Variants in ZBED6 observed in about 807,000 individuals in gnomAD.
ZBED6 encodes zinc finger BED domain-containing protein 6.
Under a neutral mutation model 58.4 loss-of-function variants are expected in ZBED6, and 40 were observed. The ratio of observed to expected loss-of-function variants is 0.68; its 90% CI spans 0.53 to 0.89. ZBED6 has a LOEUF of 0.89. Among genes scored for constraint, ZBED6 ranks in the 40% least tolerant of loss-of-function variants. The pLI is 0.00. For synonymous variants in ZBED6, 439 were observed against 350.6 expected, an observed-to-expected ratio of 1.25 and a Z score of -2.82; for missense variants, 1,057 against 1,003.9, an observed-to-expected ratio of 1.05 and a Z score of -0.71.
intron 11 of ZBED6, among the ~76,000 whole-genome samples, chr1:203,840,921 A>G (rs2103246775): frequency 6.6e-6 from 1 of 152,298 alleles, no homozygotes; most frequent in African/African-American, 2.4e-5. Flanking sequence ...GGCACGAGCC[A>G]CCGCACCCGG....
intron 9 of ZBED6, 94 bp from the exon 10 acceptor site, chr1:203,837,872 A>G: frequency 8.5e-7 from 1 of 1,178,130 alleles, no homozygotes; most frequent in Non-Finnish European, 1.2e-6. Context: ...AGAACACTTA[A>G]CAGAATTATG....
chr1:203,833,985 C>G, intron 9 of ZBED6, 132 bp downstream of exon 9: 1 of 1,379,066 alleles, frequency 7.3e-7, no homozygotes, highest in Non-Finnish European at 9.4e-7. Flanking sequence ...TTATAAATTC[C>G]TCATGTTTTC....
chr1:203,825,974 C>T (rs1288547488), intron 3 of ZBED6, among the ~76,000 whole-genome samples: 3 of 152,112 alleles, frequency 2.0e-5, no homozygotes, highest in African/African-American at 7.2e-5. Flanking sequence ...TGTCATGTGA[C>T]TTCTGTGTAT....
chr1:203,796,730 C>T (rs764111146), exon 1 of ZBED6: 26 of 342,996 alleles, frequency 7.6e-5, no homozygotes, highest in Middle Eastern at 1.6e-3. Context: ...GCTGTAAAAG[C>T]TTCTCAAGTC....
intron 1 of ZBED6, among the ~76,000 whole-genome samples, chr1:203,803,505 C>T (rs1191746073): frequency 6.6e-6 from 1 of 152,118 alleles, no homozygotes; most frequent in Non-Finnish European, 1.5e-5. Context: ...GTTTTTCTTT[C>T]TTTGTTTTGA....
chr1:203,823,357 A>G (rs1053702900), intron 3 of ZBED6, among the ~76,000 whole-genome samples: 1 of 152,216 alleles, frequency 6.6e-6, no homozygotes, highest in Admixed American at 6.5e-5. Context: ...AAATGCAGCA[A>G]TGCATGTGTG....
At chr1:203,800,652 T>G in exon 1 of ZBED6, 1 of 488,928 alleles carries the variant, frequency 2.0e-6, no homozygotes, top group East Asian at 3.5e-5. Context: ...TAGCTATAAC[T>G]GTGGCGCTAG....
chr1:203,805,954 A>G, intron 1 of ZBED6: 5 of 624,136 alleles, frequency 8.0e-6, no homozygotes, highest in East Asian at 3.9e-5. Context: ...CATAGCATCA[A>G]CCGTGGTCTT....
intron 8 of ZBED6, among the ~76,000 whole-genome samples, chr1:203,832,516 A>G (rs1172465471): frequency 1.3e-5 from 2 of 151,786 alleles, no homozygotes; most frequent in Non-Finnish European, 2.9e-5. Flanking sequence ...ACCCGCCACC[A>G]CGCCTGGCTA....
At chr1:203,833,120 G>A (rs986480303) in intron 8 of ZBED6, among the ~76,000 whole-genome samples, 3 of 151,094 alleles carry the variant, frequency 2.0e-5, no homozygotes, top group South Asian at 2.1e-4. Flanking sequence ...CTGTAATCCC[G>A]GCACTTTGGG....
chr1:203,833,368 A>G (rs1473028575), intron 8 of ZBED6, among the ~76,000 whole-genome samples: 1 of 144,880 alleles, frequency 6.9e-6, no homozygotes, highest in Non-Finnish European at 1.5e-5. Flanking sequence ...CTGTCTCAAA[A>G]AAAAAAAAAA....
At chr1:203,799,689 C>T (rs541958254) in exon 1 of ZBED6, 3 of 711,512 alleles carry the variant, frequency 4.2e-6, no homozygotes, top group Non-Finnish European at 7.6e-6. Flanking sequence ...ACTCCTTTCC[C>T]TGCAGAAACT....
chr1:203,806,491 T>C (rs893042305), intron 1 of ZBED6, among the ~76,000 whole-genome samples: 9 of 152,056 alleles, frequency 5.9e-5, no homozygotes, highest in Admixed American at 1.3e-4. Flanking sequence ...TTAATAGAGA[T>C]TAGGTTTCAC....
chr1:203,840,262 G>A (rs1441321963), intron 10 of ZBED6, 44 bp from the exon 11 acceptor site: 1 of 1,592,132 alleles, frequency 6.3e-7, no homozygotes, highest in Non-Finnish European at 8.6e-7. Context: ...GCTGTAAAAA[G>A]TTTCTGTTCA....
intron 9 of ZBED6, among the ~76,000 whole-genome samples, chr1:203,836,727 G>A (rs574033882): frequency 6.6e-6 from 1 of 152,334 alleles, no homozygotes; most frequent in South Asian, 2.1e-4. Context: ...AGTGAGCTGA[G>A]ATCTTCCCAC....
At chr1:203,812,923 T>TGC (rs1384472188) in intron 1 of ZBED6, among the ~76,000 whole-genome samples, 5 of 152,328 alleles carry the variant, frequency 3.3e-5, no homozygotes, top group African/African-American at 1.2e-4. Context: ...TCCCTAATGA[T>TGC]GCATGATGTT....
In ZBED6 at chr1:203,806,690, C is replaced by T. The variant is rs912712588; in HGVS notation, c.*2554+3674C>T. ...GACTGTTGAATGGGTGTCCTTTTTT[C>T]GCTTATCTTGAGTTAGTTTACCTCT... On this transcript the variant is annotated intron_variant, in intron 1 of 16. Transcript: ENST00000550078. Among the ~76,000 whole-genome samples the T allele has an allele frequency of 7.9e-5, 12 of 152,178 alleles. No individual in the cohort carries two copies. The South Asian group carries it at 2.3e-3, about 29-fold the overall frequency.
rs565920099 is a variant in ZBED6, at chr1:203,841,903, G to T, written c.*3741+1529G>T. 2.5e-3 allele frequency among the ~76,000 whole-genome samples: 371 copies of T among 148,494 alleles called. 1 individual carries two copies. The highest frequency in any genetic ancestry group is 8.8e-3 in the African/African-American group (349 of 39,778). ...TCAGACGGGGCGGCCGGGCAGAGAC[G>T]CTCCTCACCTCCCAGATGGGGTGGC... On this transcript the variant is annotated intron_variant, in intron 11 of 16. Coordinates refer to ENST00000550078, the Ensembl canonical transcript of ZBED6.
intron 1 of ZBED6, among the ~76,000 whole-genome samples, chr1:203,805,165 CAG>C (rs1671879636): frequency 7.1e-6 from 1 of 140,218 alleles, no homozygotes. Context: ...TTTTTTGAGA[CAG>C]AGTCTTGCTC....
Sources: gnomAD v4.1 joint callset for allele counts (sites outside exome capture counted in the v4.1 genomes callset) on GRCh38, gnomAD v4.1.1 for gene constraint, MANE v1.5 for transcripts, NCBI Gene and HGNC (gene_info 2026-07-23, HGNC 2026-07-21) for gene names.